Variants in FRMD4B observed in about 807,000 individuals in gnomAD.
FRMD4B encodes the protein FERM domain containing 4B.
FRMD4B carries 74 observed loss-of-function variants against 141.5 expected under a neutral mutation model. The ratio of observed to expected loss-of-function variants is 0.52; its 90% CI spans 0.43 to 0.63. The LOEUF (loss-of-function observed/expected upper bound fraction) is 0.63, where lower values mean the gene tolerates loss of function less well. Among genes scored for constraint, FRMD4B ranks in the 30% least tolerant of loss-of-function variants. The pLI, the probability that FRMD4B is intolerant of heterozygous loss-of-function variation, is 0.00. For missense variants in FRMD4B, 1,366 were observed against 1,253.4 expected (o/e 1.09, Z -1.36); for synonymous variants, 506 against 467.9 (o/e 1.08, Z -1.05).
At chr3:69,510,341 A>G (rs943518720) in intron 1 of FRMD4B, among the ~76,000 whole-genome samples, 1 of 152,202 alleles carries the variant, frequency 6.6e-6, no homozygotes, top group African/African-American at 2.4e-5. Flanking sequence ...CCAGAAGTCT[A>G]TATAAAAACT....
At chr3:69,231,994 C>T (rs527320805) in intron 7 of FRMD4B, among the ~76,000 whole-genome samples, 46 of 152,240 alleles carry the variant, frequency 3.0e-4, no homozygotes, top group Admixed American at 2.4e-3. Flanking sequence ...CCAGGTCTGG[C>T]TTCTGCACAG....
At chr3:69,224,356 C>T (rs1190873740) in intron 8 of FRMD4B, among the ~76,000 whole-genome samples, 2 of 152,144 alleles carry the variant, frequency 1.3e-5, no homozygotes, top group African/African-American at 4.8e-5. Context: ...AGACATTTTA[C>T]ACACTTGAAA....
At chr3:69,496,240 T>C (rs1706384875) in intron 1 of FRMD4B, among the ~76,000 whole-genome samples, 1 of 152,226 alleles carries the variant, frequency 6.6e-6, no homozygotes, top group Admixed American at 6.5e-5. Flanking sequence ...CAAGTTATTG[T>C]GAATGCTTTG....
chr3:69,476,839 T>C (rs1209588260), intron 1 of FRMD4B, among the ~76,000 whole-genome samples: 1 of 152,214 alleles, frequency 6.6e-6, no homozygotes, highest in African/African-American at 2.4e-5. Flanking sequence ...CCCATAAGCA[T>C]GGAATGTTCT....
intron 17 of FRMD4B, among the ~76,000 whole-genome samples, chr3:69,191,346 G>T (rs2092834498): frequency 6.6e-6 from 1 of 152,140 alleles, no homozygotes; most frequent in South Asian, 2.1e-4. Flanking sequence ...CTTGAACCTG[G>T]GAGGCGGAGG....
At chr3:69,271,924 G>A (rs1309158051) in intron 5 of FRMD4B, among the ~76,000 whole-genome samples, 9 of 152,068 alleles carry the variant, frequency 5.9e-5, no homozygotes, top group South Asian at 2.1e-4. Context: ...GCAGTGAGCC[G>A]AGATTGTGCC....
intron 1 of FRMD4B, among the ~76,000 whole-genome samples, chr3:69,434,717 A>C (rs1305256281): frequency 2.0e-5 from 3 of 152,222 alleles, no homozygotes; most frequent in African/African-American, 7.2e-5. Context: ...ATTTGGTACA[A>C]GATACTTGTG....
intron 1 of FRMD4B, among the ~76,000 whole-genome samples, chr3:69,480,897 A>G (rs1039654933): frequency 6.6e-6 from 1 of 152,174 alleles, no homozygotes; most frequent in African/African-American, 2.4e-5. Context: ...TGTTTACCTA[A>G]GCAAGCCTGG....
chr3:69,398,268 A>G (rs573485616), intron 2 of FRMD4B, among the ~76,000 whole-genome samples: 1 of 151,930 alleles, frequency 6.6e-6, no homozygotes, highest in Admixed American at 6.6e-5. Flanking sequence ...CTTTTGTTTT[A>G]TTTTTTAATT....
chr3:69,182,885 A>G (rs2092723552), intron 19 of FRMD4B, among the ~76,000 whole-genome samples, 168 bp from the exon 20 acceptor site: 1 of 152,184 alleles, frequency 6.6e-6, no homozygotes, highest in African/African-American at 2.4e-5. Context: ...AAAACCCGCT[A>G]AAACAGCGGG....
intron 1 of FRMD4B, among the ~76,000 whole-genome samples, chr3:69,466,673 A>G (rs1402623825): frequency 1.3e-5 from 2 of 152,124 alleles, no homozygotes; most frequent in Non-Finnish European, 1.5e-5. Flanking sequence ...CAAAGTTAAA[A>G]CCAACAAACA....
intron 1 of FRMD4B, among the ~76,000 whole-genome samples, chr3:69,321,539 C>CCCTA (rs958229187): frequency 2.0e-5 from 3 of 152,128 alleles, no homozygotes; most frequent in Non-Finnish European, 4.4e-5. Flanking sequence ...TCCAATTGAG[C>CCCTA]CCTACAGTGG....
chr3:69,193,741 C>T lies in FRMD4B; in HGVS notation c.1621G>A (p.Ala541Thr). Reference protein sequence around the residue: ...KKKRKQDYTDAMKKLQEIENA... With the variant: ...KKKRKQDYTDTMKKLQEIENA... ...TCAATCTCCTGAAGCTTTTTCATCG[C>T]ATCTGTGTAATCTTGCTTTCGCTTT... is the stretch of plus-strand genomic sequence containing the variant. The change falls in exon 17 of 23, where the codon GCG becomes ACG. Residue 541 changes from alanine (A) to threonine (T), a missense_variant. Coordinates refer to ENST00000398540, the MANE Select transcript of FRMD4B (RefSeq NM_015123.3). The T allele has an allele frequency of 2.5e-6, 4 of 1,613,652 alleles. No homozygotes were observed. The highest frequency in any genetic ancestry group is 3.4e-6 in the Non-Finnish European group (4 of 1,179,578).
In FRMD4B at chr3:69,529,219, G is replaced by T. The variant is rs967110184; in HGVS notation, c.-129+12987C>A. ...TGAGAATGCAGCCAGTGTTGCTAGA[G>T]CTTCTGAATTTTTAAAAGAAACCAA... On this transcript the variant is annotated intron_variant, in intron 1 of 5. Transcript: ENST00000459638. 3.9e-5 allele frequency among the ~76,000 whole-genome samples: 6 copies of T among 152,196 alleles called. No individual in the cohort carries two copies. In the South Asian group the frequency reaches 6.2e-4, roughly 16 times the overall value.
chr3:69,269,684 G>A (rs1238512801), intron 5 of FRMD4B, among the ~76,000 whole-genome samples: 5 of 152,100 alleles, frequency 3.3e-5, no homozygotes, highest in Non-Finnish European at 7.3e-5. Context: ...TTGCTCTGTC[G>A]CTTAGGCTGG....
chr3:69,238,424 T>C (rs180808049), intron 7 of FRMD4B, among the ~76,000 whole-genome samples: 102 of 152,324 alleles, frequency 6.7e-4, no homozygotes, highest in African/African-American at 2.5e-3. Context: ...TAGTGACCTG[T>C]TGCATAGGAT....
At chr3:69,512,206 G>A (rs530199600) in intron 1 of FRMD4B, among the ~76,000 whole-genome samples, 1 of 152,266 alleles carries the variant, frequency 6.6e-6, no homozygotes, top group African/African-American at 2.4e-5. Flanking sequence ...GCACTGCACG[G>A]GGCTGGAGTT....
intron 1 of FRMD4B, among the ~76,000 whole-genome samples, chr3:69,440,592 G>T (rs1385829673): frequency 1.3e-5 from 2 of 152,154 alleles, no homozygotes; most frequent in Non-Finnish European, 2.9e-5. Flanking sequence ...ATCACTTGAG[G>T]CCAGGAGCTT....
intron 3 of FRMD4B, among the ~76,000 whole-genome samples, chr3:69,310,905 T>C (rs560796651): frequency 4.5e-4 from 68 of 152,106 alleles, no homozygotes; most frequent in Non-Finnish European, 7.2e-4. Context: ...CACCAACACA[T>C]CCACTCAGTT....
Sources: allele counts gnomAD v4.1 joint callset (sites outside exome capture counted in the v4.1 genomes callset), GRCh38; gene constraint gnomAD v4.1.1; transcripts MANE v1.5; gene names NCBI Gene and HGNC (gene_info 2026-07-23, HGNC 2026-07-21).